Variants in RBBP6 observed in about 807,000 individuals in gnomAD.
The protein encoded by RBBP6 is E3 ubiquitin-protein ligase RBBP6.
In RBBP6, 25 loss-of-function variants were observed where a neutral mutation model predicts 167.7. The observed-to-expected ratio is 0.15, with a 90% CI of 0.11 to 0.21. RBBP6 has a LOEUF of 0.21. Ranked by LOEUF, RBBP6 falls within the 10% of genes least tolerant of loss-of-function variation. The pLI, the probability that RBBP6 is intolerant of heterozygous loss-of-function variation, is 1.00. For synonymous variants in RBBP6, 789 were observed against 735.8 expected, an observed-to-expected ratio of 1.07 and a Z score of -1.17; for missense variants, 1,868 against 2,134.2, an observed-to-expected ratio of 0.88 and a Z score of 2.46.
At position 24,540,441 on chromosome 16, in the gene RBBP6, G is replaced by T. The variant is rs1898456428; in HGVS notation, c.-186G>T. ...CCATGAAGTGATTCTGAGTATCGGGGGGTCTCTGGATTATTGTTCTGACGA... is the reference window on the plus strand; with the variant it reads ...CCATGAAGTGATTCTGAGTATCGGGTGGTCTCTGGATTATTGTTCTGACGA... On this transcript the variant is annotated 5_prime_UTR_variant, in exon 1 of 18. Coordinates refer to ENST00000319715, the MANE Select transcript of RBBP6 (RefSeq NM_006910.5). 1 of 493,842 alleles carries T rather than the reference G, an allele frequency of 2.0e-6. No homozygotes were observed. The highest frequency in any genetic ancestry group is 1.9e-5 in the African/African-American group (1 of 51,414). 30.6% of individuals were successfully genotyped at this position (493,842 alleles called of 1,614,324 possible).
intron 11 of RBBP6, 49 bp from the exon 12 acceptor site, chr16:24,563,374 T>A: frequency 6.6e-7 from 1 of 1,518,836 alleles, no homozygotes; most frequent in South Asian, 1.2e-5. Flanking sequence ...TTACCTCTTT[T>A]TTTTTTTTTT....
In RBBP6 at chr16:24,571,539, G is replaced by T; in HGVS notation, c.4473G>T (p.Lys1491Asn). ...EYSSSKRRDE[K>N]NELTRRKDSP... ...CAAGTTCCAAACGTAGAGATGAAAA[G>T]AATGAATTAACAAGACGAAAAGACT... Residue 1491 changes from lysine to asparagine, a missense_variant, in exon 18 of 18, where the codon AAG becomes AAT. Around this residue, in one of 7 missense-constraint regions of RBBP6, gnomAD observed 591 missense variants for 540.5 expected, o/e 1.09. Transcript: ENST00000319715. 6.2e-7 allele frequency: 1 copy of T among 1,613,570 alleles called. No homozygotes were observed. Among genetic ancestry groups the T allele is most frequent in the Non-Finnish European group, 8.5e-7 (1 of 1,179,874 alleles).
chr16:24,542,859 T>TA (rs1464296155), intron 1 of RBBP6, among the ~76,000 whole-genome samples: 1 of 152,166 alleles, frequency 6.6e-6, no homozygotes, highest in African/African-American at 2.4e-5. Flanking sequence ...AAATAAATGA[T>TA]ACGTAATTCA....
intron 8 of RBBP6, 44 bp downstream of exon 8, chr16:24,559,721 TG>T: frequency 1.4e-6 from 2 of 1,453,426 alleles, no homozygotes; most frequent in African/African-American, 2.9e-5. Context: ...TTAGAATATT[TG>T]TATTTACTTG....
At chr16:24,562,808 T>G (rs1245783966) in intron 10 of RBBP6, among the ~76,000 whole-genome samples, 1 of 152,178 alleles carries the variant, frequency 6.6e-6, no homozygotes, top group Admixed American at 6.5e-5. Context: ...ATTTGGTTGA[T>G]AGTGGAAATA....
At chr16:24,555,447 A>G (rs1416447718) in intron 4 of RBBP6, 168 bp from the exon 5 acceptor site, 3 of 583,560 alleles carry the variant, frequency 5.1e-6, no homozygotes, top group Non-Finnish European at 9.1e-6. Context: ...ACATCATGTA[A>G]TTACCTAAGG....
chr16:24,553,851 A>G (rs1347723574), intron 4 of RBBP6: 1 of 187,750 alleles, frequency 5.3e-6, no homozygotes, highest in Non-Finnish European at 1.1e-5. Context: ...GAAACTAACA[A>G]GGTTCTGGAG....
Position 24,572,600 on chromosome 16 carries a change from C to A in RBBP6, c.*155C>A. ...TGATTATTTGATTTTTACATCAGAG[C>A]TTTATAACACGAACTTTTGTACAGA... On this transcript the variant is annotated 3_prime_UTR_variant, in exon 18 of 18. Coordinates refer to ENST00000319715, the MANE Select transcript of RBBP6 (RefSeq NM_006910.5). 1.8e-6 allele frequency: 2 copies of A among 1,087,682 alleles called. No homozygotes were observed. The highest frequency in any genetic ancestry group is 1.3e-6 in the Non-Finnish European group (1 of 798,168). The allele number at this position is 1,087,682 out of a possible 1,614,324, so 67.4% of individuals were successfully genotyped here.
chr16:24,572,390 A>C lies in RBBP6; in HGVS notation c.5324A>C (p.Asp1775Ala). 1 of 1,544,630 alleles carries C rather than the reference A, an allele frequency of 6.5e-7. No homozygotes were observed. Reference sequence around the variant, plus strand: ...AAAAAGAAGTCAAAGAAGAACAAAGATAAAGAGAAGGAGAAGGAGAAAGAT... The same window carrying C: ...AAAAAGAAGTCAAAGAAGAACAAAGCTAAAGAGAAGGAGAAGGAGAAAGAT... ...HKKKKSKKNKDKEKEKEKDDQ... is the reference protein window; with the variant it reads ...HKKKKSKKNKAKEKEKEKDDQ... Residue 1775 changes from aspartate (D) to alanine (A), a missense_variant, in exon 18 of 18, where the codon GAT becomes GCT. Asp to Ala is a moderately radical substitution (Grantham distance 126). Coordinates refer to ENST00000319715, the MANE Select transcript of RBBP6 (RefSeq NM_006910.5).
intron 3 of RBBP6, 47 bp from the exon 4 acceptor site, chr16:24,553,466 T>A (rs767165403): frequency 1.3e-6 from 2 of 1,522,076 alleles, no homozygotes; most frequent in Non-Finnish European, 9.1e-7. Flanking sequence ...CACTTTAAGA[T>A]GTTTTCAGTT....
rs137946217 is a variant in RBBP6, at chr16:24,551,268, T to C, written c.304-2245T>C. On this transcript the variant is annotated intron_variant, in intron 3 of 17. Transcript: ENST00000319715. ...TTAATTTTAATGTCTACGGTCTGCA[T>C]CAGTCCGTTTTGTGAGGACTTTAAG... is the stretch of plus-strand genomic sequence containing the variant. Among the ~76,000 whole-genome samples the C allele has an allele frequency of 4.9e-3, 738 of 152,008 alleles. 3 individuals are homozygous for C. Among genetic ancestry groups the C allele is most frequent in the African/African-American group, 0.017 (696 of 41,550 alleles).
At chr16:24,540,853 C>A in intron 1 of RBBP6, 61 bp downstream of exon 1, 1 of 1,551,164 alleles carries the variant, frequency 6.4e-7, no homozygotes, top group Admixed American at 1.9e-5. Context: ...CTAGAAGGTG[C>A]CTGGCAGGAA....
At chr16:24,541,058 T>C (rs992331058) in intron 1 of RBBP6, among the ~76,000 whole-genome samples, 1 of 151,810 alleles carries the variant, frequency 6.6e-6, no homozygotes, top group Non-Finnish European at 1.5e-5. Flanking sequence ...TTTTTTAAAA[T>C]GAGGGAGGGA....
intron 16 of RBBP6, among the ~76,000 whole-genome samples, chr16:24,568,520 A>T (rs1899246478): frequency 6.6e-6 from 1 of 152,156 alleles, no homozygotes; most frequent in Non-Finnish European, 1.5e-5. Flanking sequence ...AATGCACTTC[A>T]CTCTAATTGT....
intron 3 of RBBP6, chr16:24,549,203 A>C (rs1400394413): frequency 7.1e-7 from 1 of 1,416,342 alleles, no homozygotes; most frequent in Non-Finnish European, 9.2e-7. Context: ...ACACTGTTTC[A>C]TATTAAATAT....
At position 24,569,220 on chromosome 16, in the gene RBBP6, G is replaced by C; in HGVS notation, c.2530G>C (p.Gly844Arg). 1 of 1,613,744 alleles carries C rather than the reference G, an allele frequency of 6.2e-7. No homozygotes were observed. Among genetic ancestry groups the C allele is most frequent in the East Asian group, 2.2e-5 (1 of 44,864 alleles). The stretch of plus-strand genomic sequence containing the variant: ...AGAGTGGTATGAAAAATATTATAAA[G>C]GTTATGCTGCTGGAGCACAGCCTAG... Reference protein sequence around the residue: ...YREWYEKYYKGYAAGAQPRPS... With the variant: ...YREWYEKYYKRYAAGAQPRPS... Residue 844 changes from glycine (G) to arginine (R), a missense_variant, in exon 17 of 18, where the codon GGT becomes CGT. By Grantham distance (125) the Gly-to-Arg change is moderately radical. Transcript: ENST00000319715.
At position 24,567,308 on chromosome 16, in the gene RBBP6, T is replaced by C; in HGVS notation, c.1755T>C (p.Pro585=). 1 of 1,613,996 alleles carries C rather than the reference T, an allele frequency of 6.2e-7. No individual in the cohort carries two copies. Among genetic ancestry groups the C allele is most frequent in the Non-Finnish European group, 8.5e-7 (1 of 1,179,934 alleles). The part of the protein sequence containing the change: ...PPGVPPPQFS[P]QFPPGQPPPA... ...GTGTTCCTCCTCCACAGTTTTCTCC[T>C]CAGTTTCCTCCTGGCCAGCCACCAC... The change falls in exon 15 of 18, where the codon CCT becomes CCC. Residue 585 remains proline (P), a synonymous_variant. Transcript: ENST00000319715.
At chr16:24,566,500 C>A (rs1351315802) in intron 14 of RBBP6, among the ~76,000 whole-genome samples, 1 of 152,146 alleles carries the variant, frequency 6.6e-6, no homozygotes, top group African/African-American at 2.4e-5. Context: ...TCACCTGTAA[C>A]CCCAGCACTT....
Position 24,569,015 on chromosome 16 carries a change from G to A in RBBP6, c.2325G>A (p.Ala775=), listed in dbSNP as rs144178646. 3.0e-5 allele frequency: 49 copies of A among 1,614,000 alleles called. No individual in the cohort carries two copies. The highest frequency in any genetic ancestry group is 1.1e-4 in the South Asian group (10 of 91,090). ...ATTCACGATCAAGATCTCCTCAAGC[G>A]TTTAGGGGACAGTCTCCTAATAAAC... is the stretch of plus-strand genomic sequence containing the variant. ...RYHSRSRSPQ[A]FRGQSPNKRN... is the part of the protein sequence containing the mutation. The change falls in exon 17 of 18, where the codon GCG becomes GCA. Residue 775 remains alanine (A), a synonymous_variant. Coordinates refer to ENST00000319715, the MANE Select transcript of RBBP6 (RefSeq NM_006910.5).
Sources: gnomAD v4.1 joint callset for allele counts (sites outside exome capture counted in the v4.1 genomes callset) on GRCh38, gnomAD v4.1.1 for gene constraint, gnomAD v4.1.1 regional missense constraint, MANE v1.5 for transcripts, NCBI Gene and HGNC (gene_info 2026-07-23, HGNC 2026-07-21) for gene names.